The following SMU1 variants were observed in gnomAD, a reference collection of about 807,000 sequenced individuals.
SMU1 encodes WD40 repeat-containing protein SMU1.
Under a neutral mutation model 62.0 loss-of-function variants are expected in SMU1, and 2 were observed. The observed-to-expected ratio is 0.03, with a 90% CI of 0.01 to 0.10. The LOEUF (loss-of-function observed/expected upper bound fraction) is 0.10. Ranked by LOEUF, SMU1 falls within the 10% of genes least tolerant of loss-of-function variation. SMU1 has a pLI of 1.00. For missense variants in SMU1, 227 were observed against 622.1 expected (o/e 0.36, Z 6.76); for synonymous variants, 188 against 212.4 (o/e 0.89, Z 1.00).
At position 33,047,394 on chromosome 9, in the gene SMU1, G is replaced by A. The variant is rs1839197982; in HGVS notation, c.1444-3C>T. The A allele has an allele frequency of 1.2e-6, 2 of 1,613,000 alleles. No individual in the cohort carries two copies. The highest frequency in any genetic ancestry group is 1.3e-5 in the African/African-American group (1 of 74,974). ...CCAATCACATCCTTCTCGTGCACCT[G>A]GAACATGTAAAGCACAGGGTTAGGA... On this transcript the variant is annotated splice_polypyrimidine_tract_variant and splice_region_variant and intron_variant, in intron 11 of 11. Transcript: ENST00000397149.
At chr9:33,049,261 T>C (rs1839217086) in intron 10 of SMU1, among the ~76,000 whole-genome samples, 1 of 152,194 alleles carries the variant, frequency 6.6e-6, no homozygotes, top group African/African-American at 2.4e-5. Context: ...TGGTATTGGA[T>C]CAATGGAACA....
At position 33,045,101 on chromosome 9, in the gene SMU1, G is replaced by C. The variant is rs1419631849; in HGVS notation, c.*2192C>G. The stretch of plus-strand genomic sequence containing the variant: ...CAGAAGTGTTCCCTAAAAATTCCTA[G>C]AATAAACCAACACGTGCTGACTAGA... On this transcript the variant is annotated 3_prime_UTR_variant, in exon 12 of 12. Coordinates refer to ENST00000397149, the MANE Select transcript of SMU1 (RefSeq NM_018225.3). 3 of 152,086 alleles carry C rather than the reference G, an allele frequency of 2.0e-5. No homozygotes were observed. 9.4% of individuals were successfully genotyped at this position (152,086 alleles called of 1,614,324 possible). A position where few individuals can be genotyped will look rare whatever the true frequency, so the allele number is the denominator to read the frequency against.
chr9:33,050,397 T>C (rs1040087036), intron 10 of SMU1, among the ~76,000 whole-genome samples: 7 of 151,958 alleles, frequency 4.6e-5, no homozygotes, highest in South Asian at 4.2e-4. Context: ...CCCAAAGAAA[T>C]AGAAAACATA....
At chr9:33,076,404 C>G (rs1255614482) in intron 1 of SMU1, among the ~76,000 whole-genome samples, 179 bp downstream of exon 1, 2 of 152,184 alleles carry the variant, frequency 1.3e-5, no homozygotes, top group Non-Finnish European at 2.9e-5. Flanking sequence ...CGTCTGAGAG[C>G]TGCTACTTTC....
chr9:33,076,515 C>T, intron 1 of SMU1, 68 bp downstream of exon 1: 1 of 1,593,412 alleles, frequency 6.3e-7, no homozygotes, highest in East Asian at 2.2e-5. Flanking sequence ...CTCCCGAGTA[C>T]CCTCCGCCCC....
In SMU1 at chr9:33,056,817, G is replaced by A. The variant is rs990641474; in HGVS notation, c.995+20C>T. On this transcript the variant is annotated intron_variant, in intron 8 of 11. Transcript: ENST00000397149. ...ATTATATCAAACTCAAGTGAGAGCA[G>A]TTTTGGGATTTTTACTTACCTAATT... 8 of 1,608,858 alleles carry A rather than the reference G, an allele frequency of 5.0e-6. No individual in the cohort carries two copies. In the African/African-American group the frequency reaches 9.4e-5, roughly 19 times the overall value.
intron 9 of SMU1, among the ~76,000 whole-genome samples, chr9:33,055,323 T>C (rs574257893): frequency 6.6e-6 from 1 of 152,300 alleles, no homozygotes; most frequent in African/African-American, 2.4e-5. Context: ...AATACAGGTA[T>C]ACGCCACCAC....
rs754340572 is a variant in SMU1 at position 33,076,580 on chromosome 9, C to A, written c.26+3G>T. ...GCGCGAACATCCCCACCGCAGGACT[C>A]ACTCCGAAGATTCGATTTCGATCGA... On this transcript the variant is annotated splice_donor_region_variant and intron_variant, in intron 1 of 11. Coordinates refer to ENST00000397149, the MANE Select transcript of SMU1 (RefSeq NM_018225.3). The A allele has an allele frequency of 1.2e-6, 2 of 1,613,908 alleles. No individual in the cohort carries two copies. Among genetic ancestry groups the A allele is most frequent in the South Asian group, 1.1e-5 (1 of 91,088 alleles).
chr9:33,057,545 T>C (rs1456991471), intron 7 of SMU1, 53 bp downstream of exon 7: 10 of 1,604,564 alleles, frequency 6.2e-6, no homozygotes, highest in South Asian at 1.1e-5. Context: ...CACTACCCCA[T>C]AGCAGAACAT....
rs368905416 is a variant in SMU1 at position 33,047,281 on chromosome 9, A to C, written c.*12T>G. On this transcript the variant is annotated 3_prime_UTR_variant, in exon 12 of 12. Transcript: ENST00000397149. ...TACATGCTTTCGAGCTGATTTAAAA[A>C]GAAAAGTTGAATTATGGTTTCCAGA... The C allele has an allele frequency of 3.4e-4, 533 of 1,583,232 alleles. 2 individuals carry two copies. The highest frequency in any genetic ancestry group is 4.3e-4 in the Non-Finnish European group (500 of 1,154,652).
chr9:33,069,132 G>A (rs1839458751), intron 3 of SMU1, among the ~76,000 whole-genome samples, 198 bp from the exon 4 acceptor site: 4 of 152,180 alleles, frequency 2.6e-5, no homozygotes, highest in Admixed American at 2.6e-4. Flanking sequence ...TCAAAAGTAT[G>A]AGTTGGGAGA....
intron 4 of SMU1, among the ~76,000 whole-genome samples, chr9:33,067,689 G>A (rs1396800259): frequency 6.6e-6 from 1 of 151,760 alleles, no homozygotes; most frequent in African/African-American, 2.4e-5. Context: ...AGTAGAGACG[G>A]GGTTTCACCA....
intron 4 of SMU1, among the ~76,000 whole-genome samples, chr9:33,063,947 T>C (rs902533606): frequency 2.0e-5 from 3 of 152,180 alleles, no homozygotes; most frequent in Admixed American, 2.0e-4. Context: ...GTTGAACTTT[T>C]CTCTGTATTC....
intron 5 of SMU1, among the ~76,000 whole-genome samples, chr9:33,061,492 T>C (rs1839360660): frequency 6.6e-6 from 1 of 152,068 alleles, no homozygotes. Flanking sequence ...AACTGTAATA[T>C]AGAGATGCTA....
intron 7 of SMU1, 48 bp downstream of exon 7, chr9:33,057,550 G>T: frequency 6.2e-7 from 1 of 1,607,580 alleles, no homozygotes; most frequent in Non-Finnish European, 8.5e-7. Flanking sequence ...CCCCATAGCA[G>T]AACATTCAAA....
rs180851684 is a variant in SMU1 at position 33,065,775 on chromosome 9, C to T, written c.501+3049G>A. Among the ~76,000 whole-genome samples the T allele has an allele frequency of 2.9e-4, 44 of 152,318 alleles. 1 individual carries two copies. In the East Asian group the frequency reaches 3.1e-3, roughly 11 times the overall value. ...TTCTCCCAACCCTGAGCAACCACCTCGCCTTAGCCTCAAGAGAAATCAGGT... is the reference window on the plus strand; with the variant it reads ...TTCTCCCAACCCTGAGCAACCACCTTGCCTTAGCCTCAAGAGAAATCAGGT... On this transcript the variant is annotated intron_variant, in intron 4 of 11. Transcript: ENST00000397149.
chr9:33,043,605 G>C lies in SMU1; in HGVS notation c.*3688C>G, dbSNP rs1288529062. 6.6e-6 allele frequency: 1 copy of C among 152,192 alleles called. No homozygotes were observed. Among genetic ancestry groups the C allele is most frequent in the Admixed American group, 6.5e-5 (1 of 15,282 alleles). The allele number at this position is 152,192 out of a possible 1,614,324, so 9.4% of individuals were successfully genotyped here. A position where few individuals can be genotyped will look rare whatever the true frequency, so the allele number is the denominator to read the frequency against. On this transcript the variant is annotated 3_prime_UTR_variant, in exon 12 of 12. Coordinates refer to ENST00000397149, the MANE Select transcript of SMU1 (RefSeq NM_018225.3). ...TCTCTCTACTCATCTCACTACCTGT[G>C]CTCTGCTTAGGTGAATGTGTTTGCA...
chr9:33,076,539 C>A lies in SMU1; in HGVS notation c.26+44G>T, dbSNP rs1224324668. ...ACCCTCCGCCCCACACCCTTAACCT[C>A]CAGGCCCCCGGCAAGGCGCGAACAT... On this transcript the variant is annotated intron_variant, in intron 1 of 11. Coordinates refer to ENST00000397149, the MANE Select transcript of SMU1 (RefSeq NM_018225.3). The A allele has an allele frequency of 1.9e-6, 3 of 1,612,346 alleles. No homozygotes were observed. In the African/African-American group the frequency reaches 4.0e-5, roughly 22 times the overall value.
chr9:33,071,600 T>C (rs940525191), intron 3 of SMU1, 140 bp downstream of exon 3: 64 of 880,906 alleles, frequency 7.3e-5, no homozygotes, highest in Non-Finnish European at 9.5e-5. Flanking sequence ...CCAACATATA[T>C]AAACAGAGAA....
Sources: allele counts gnomAD v4.1 joint callset (sites outside exome capture counted in the v4.1 genomes callset), GRCh38; gene constraint gnomAD v4.1.1; transcripts MANE v1.5; gene names NCBI Gene and HGNC (gene_info 2026-07-23, HGNC 2026-07-21).